The following AFF1 variants were observed in gnomAD, a reference collection of about 807,000 sequenced individuals.
AFF1 encodes the protein ALF transcription elongation factor 1, also known as AF4/FMR2 family member 1.
Under a neutral mutation model 121.7 loss-of-function variants are expected in AFF1, and 48 were observed. The ratio of observed to expected loss-of-function variants is 0.39; its 90% CI spans 0.31 to 0.50. AFF1 has a LOEUF of 0.50. Ranked by LOEUF, AFF1 falls within the 20% of genes least tolerant of loss-of-function variation. The pLI, the probability that AFF1 is intolerant of heterozygous loss-of-function variation, is 0.76. For synonymous variants in AFF1, 613 were observed against 563.0 expected, an observed-to-expected ratio of 1.09 and a Z score of -1.26; for missense variants, 1,523 against 1,511.7, an observed-to-expected ratio of 1.01 and a Z score of -0.12.
At chr4:87,034,806 A>AG (rs1729402320) in intron 2 of AFF1, among the ~76,000 whole-genome samples, 1 of 151,748 alleles carries the variant, frequency 6.6e-6, no homozygotes, top group East Asian at 1.9e-4. Flanking sequence ...TTTAGGTATC[A>AG]ATGAGTCACA....
intron 2 of AFF1, among the ~76,000 whole-genome samples, chr4:87,010,405 A>G (rs995055723): frequency 2.6e-5 from 4 of 152,198 alleles, no homozygotes; most frequent in Non-Finnish European, 4.4e-5. Context: ...GGGCTCTCAG[A>G]TAAGTGTGTG....
At chr4:87,106,875 T>TA (rs1185084066) in intron 10 of AFF1, among the ~76,000 whole-genome samples, 4 of 152,210 alleles carry the variant, frequency 2.6e-5, no homozygotes, top group African/African-American at 7.2e-5. Context: ...TGTGCACTCT[T>TA]ACAGATTCAT....
chr4:86,947,563 C>A (rs1452592097), intron 1 of AFF1, among the ~76,000 whole-genome samples: 1 of 152,172 alleles, frequency 6.6e-6, no homozygotes, highest in Non-Finnish European at 1.5e-5. Flanking sequence ...ACATACCTTT[C>A]TTTGCCTTAA....
At chr4:87,109,517 G>A (rs77660680) in intron 11 of AFF1, among the ~76,000 whole-genome samples, 2,260 of 152,256 alleles carry the variant, frequency 0.015, 58 homozygotes, top group African/African-American at 0.052. Context: ...GATACTAATT[G>A]CTATTGAAAT....
At chr4:87,011,756 T>G (rs904746162) in intron 2 of AFF1, among the ~76,000 whole-genome samples, 3 of 152,220 alleles carry the variant, frequency 2.0e-5, no homozygotes, top group African/African-American at 7.2e-5. Flanking sequence ...TTCTTTCTAG[T>G]TCATCCTGAG....
At chr4:87,030,824 G>GC (rs1729002166) in intron 2 of AFF1, among the ~76,000 whole-genome samples, 1 of 152,184 alleles carries the variant, frequency 6.6e-6, no homozygotes. Context: ...CAGACCCAGT[G>GC]CTGAGTGACT....
Position 87,108,286 on chromosome 4 carries a change from A to T in AFF1, c.1504A>T (p.Asn502Tyr). 1 of 1,613,852 alleles carries T rather than the reference A, an allele frequency of 6.2e-7. No homozygotes were observed. The highest frequency in any genetic ancestry group is 1.3e-5 in the African/African-American group (1 of 75,020). The part of the protein sequence containing the change: ...SESSSSDSEE[N>Y]EPLETPAPEP... Reference sequence around the variant, plus strand: ...GAGCAGTTCAAGTGACAGCGAAGAAAATGAGCCCCTAGAAACCCCAGCTCC... The same window carrying T: ...GAGCAGTTCAAGTGACAGCGAAGAATATGAGCCCCTAGAAACCCCAGCTCC... The change falls in exon 11 of 21, where the codon AAT (asparagine) becomes TAT (tyrosine). Residue 502 changes from asparagine to tyrosine, a missense_variant. Coordinates refer to ENST00000395146, the MANE Select transcript of AFF1 (RefSeq NM_001166693.3).
At chr4:87,058,985 C>T (rs1720445976) in intron 4 of AFF1, among the ~76,000 whole-genome samples, 1 of 152,176 alleles carries the variant, frequency 6.6e-6, no homozygotes, top group Admixed American at 6.5e-5. Context: ...AAACACTCTC[C>T]TCCCCTGTTG....
At chr4:87,033,360 C>T (rs1427184794) in intron 2 of AFF1, among the ~76,000 whole-genome samples, 1 of 152,108 alleles carries the variant, frequency 6.6e-6, no homozygotes, top group Admixed American at 6.6e-5. Flanking sequence ...GTACATTGGC[C>T]CAGTTTCAAA....
At chr4:86,963,950 C>G (rs958655082) in intron 2 of AFF1, among the ~76,000 whole-genome samples, 4 of 145,400 alleles carry the variant, frequency 2.8e-5, no homozygotes, top group Non-Finnish European at 6.0e-5. Flanking sequence ...TGTGAGTCAC[C>G]ATGACTAGAC....
chr4:87,013,802 C>T (rs1006456069), intron 2 of AFF1, among the ~76,000 whole-genome samples: 7 of 151,496 alleles, frequency 4.6e-5, no homozygotes, highest in African/African-American at 7.3e-5. Flanking sequence ...CAAAAATCAC[C>T]GTGGGTGCTT....
chr4:86,986,574 T>C (rs988475897), intron 2 of AFF1, among the ~76,000 whole-genome samples: 1 of 152,012 alleles, frequency 6.6e-6, no homozygotes, highest in South Asian at 2.1e-4. Flanking sequence ...GTCAGCAAAA[T>C]TCATAATGTT....
At chr4:87,074,672 A>G (rs1188073786) in intron 4 of AFF1, among the ~76,000 whole-genome samples, 4 of 152,224 alleles carry the variant, frequency 2.6e-5, no homozygotes, top group Admixed American at 2.0e-4. Flanking sequence ...TACTGAAAAC[A>G]TTTCTGCGTA....
At chr4:87,122,249 G>A (rs553577158) in intron 12 of AFF1, among the ~76,000 whole-genome samples, 1 of 152,218 alleles carries the variant, frequency 6.6e-6, no homozygotes, top group African/African-American at 2.4e-5. Flanking sequence ...TCACTGGGCC[G>A]TTTGGTAACA....
intron 2 of AFF1, among the ~76,000 whole-genome samples, chr4:86,969,966 A>G (rs1412571731): frequency 1.3e-5 from 2 of 151,714 alleles, no homozygotes; most frequent in Non-Finnish European, 2.9e-5. Context: ...AGAATCAAAG[A>G]TATCTTATTT....
At chr4:87,046,042 C>T in intron 2 of AFF1, 124 bp from the exon 3 acceptor site, 1 of 1,188,882 alleles carries the variant, frequency 8.4e-7, no homozygotes, top group Non-Finnish European at 1.2e-6. Context: ...CTTTAAATCA[C>T]AGCCGTCATC....
intron 8 of AFF1, among the ~76,000 whole-genome samples, chr4:87,099,648 G>A (rs545013133): frequency 6.6e-6 from 1 of 152,178 alleles, no homozygotes; most frequent in Non-Finnish European, 1.5e-5. Flanking sequence ...GACTCAGGCA[G>A]TCTGCCCACC....
At chr4:86,962,878 G>GT (rs1233665339) in intron 2 of AFF1, among the ~76,000 whole-genome samples, 7 of 152,110 alleles carry the variant, frequency 4.6e-5, no homozygotes, top group African/African-American at 1.7e-4. Flanking sequence ...ATGAAGATAA[G>GT]TATAGGCCAA....
intron 2 of AFF1, among the ~76,000 whole-genome samples, 198 bp downstream of exon 2, chr4:86,948,769 C>T (rs956114302): frequency 6.6e-6 from 1 of 152,256 alleles, no homozygotes; most frequent in African/African-American, 2.4e-5. Flanking sequence ...ATCTAGCAAT[C>T]GCTGAGTCTG....
Sources: gnomAD v4.1 joint callset for allele counts (sites outside exome capture counted in the v4.1 genomes callset) on GRCh38, gnomAD v4.1.1 for gene constraint, MANE v1.5 for transcripts, NCBI Gene and HGNC (gene_info 2026-07-23, HGNC 2026-07-21) for gene names.